Variants in GLYR1 observed in about 807,000 individuals in gnomAD.
GLYR1 encodes glyoxylate reductase 1 homolog, also known as cytokine-like nuclear factor N-PAC.
GLYR1 carries 21 observed loss-of-function variants against 72.7 expected under a neutral mutation model. The ratio of observed to expected loss-of-function variants is 0.29; its 90% confidence interval spans 0.20 to 0.42. GLYR1 has a LOEUF of 0.42. Among genes scored for constraint, GLYR1 ranks in the 10% least tolerant of loss-of-function variants. GLYR1 has a pLI of 1.00. For missense variants in GLYR1, 594 were observed against 712.1 expected, an observed-to-expected ratio of 0.83 and a Z score of 1.89; for synonymous variants, 392 against 270.2, an observed-to-expected ratio of 1.45 and a Z score of -4.42.
Position 4,809,904 on chromosome 16 carries a change from A to G in GLYR1, c.1587+1266T>C, listed in dbSNP as rs11865046. On this transcript the variant is annotated intron_variant, in intron 15 of 15. Coordinates refer to ENST00000321919, the MANE Select transcript of GLYR1 (RefSeq NM_032569.4). The stretch of plus-strand genomic sequence containing the variant: ...GCGACACTGCACTCCAGCCTGGGCG[A>G]AAGAGCAAAACTCTGTCTCCAAAAA... 8.4e-3 allele frequency among the ~76,000 whole-genome samples: 1,278 copies of G among 152,242 alleles called. 19 individuals carry two copies. The highest frequency in any genetic ancestry group is 0.029 in the African/African-American group (1,211 of 41,536).
intron 5 of GLYR1, among the ~76,000 whole-genome samples, chr16:4,831,572 C>G (rs1271382018): frequency 6.6e-6 from 1 of 152,236 alleles, no homozygotes; most frequent in Non-Finnish European, 1.5e-5. Context: ...CAGGGCCAGC[C>G]CTTGTGCACC....
At chr16:4,841,457 CAAAAAA>C (rs1160441336) in intron 3 of GLYR1, among the ~76,000 whole-genome samples, 1,012 of 31,764 alleles carry the variant, frequency 0.032, 8 homozygotes, top group African/African-American at 0.11. Flanking sequence ...CTTGTCTCTA[CAAAAAA>C]AAAAAAAAAA....
intron 1 of GLYR1, chr16:4,846,797 G>A: frequency 4.0e-6 from 1 of 252,694 alleles, no homozygotes; most frequent in Middle Eastern, 1.4e-3. Context: ...TGAGCCGGCC[G>A]CACAGGTCGG....
At chr16:4,845,915 G>T (rs2085991189) in intron 2 of GLYR1, among the ~76,000 whole-genome samples, 1 of 152,138 alleles carries the variant, frequency 6.6e-6, no homozygotes, top group Non-Finnish European at 1.5e-5. Context: ...ATTCAGACTA[G>T]AATTATTTCC....
chr16:4,843,509 CT>C, intron 3 of GLYR1: 1 of 1,282,648 alleles, frequency 7.8e-7, no homozygotes, highest in Non-Finnish European at 1.0e-6. Flanking sequence ...TCCAGAAGCT[CT>C]GGCTCCACAG....
chr16:4,822,100 C>CTTT (rs201232847), intron 7 of GLYR1, among the ~76,000 whole-genome samples: 1 of 98,826 alleles, frequency 1.0e-5, no homozygotes, highest in African/African-American at 4.3e-5. Context: ...TTTAAATGCT[C>CTTT]TTCTGAGATA....
chr16:4,836,486 T>C (rs946343030), intron 3 of GLYR1, among the ~76,000 whole-genome samples: 3 of 152,214 alleles, frequency 2.0e-5, no homozygotes, highest in Admixed American at 6.5e-5. Context: ...GTATTTAAAG[T>C]AGGAGACTTT....
At chr16:4,814,338 G>A (rs2083493497) in intron 11 of GLYR1, among the ~76,000 whole-genome samples, 199 bp downstream of exon 11, 1 of 152,214 alleles carries the variant, frequency 6.6e-6, no homozygotes, top group African/African-American at 2.4e-5. Context: ...CCCTAGTAGT[G>A]TTCATTCTTT....
At chr16:4,846,508 A>G (rs111407523) in intron 1 of GLYR1, among the ~76,000 whole-genome samples, 89 of 152,384 alleles carry the variant, frequency 5.8e-4, no homozygotes, top group Admixed American at 5.9e-4. Flanking sequence ...CTGTAAACAC[A>G]GACTTTCCCT....
intron 6 of GLYR1, among the ~76,000 whole-genome samples, 194 bp downstream of exon 6, chr16:4,823,627 T>C (rs560008315): frequency 2.0e-5 from 3 of 151,842 alleles, no homozygotes; most frequent in Non-Finnish European, 4.4e-5. Flanking sequence ...AGGACTGAAA[T>C]CCGTCACCTC....
chr16:4,818,167 G>T (rs959995391), intron 9 of GLYR1, among the ~76,000 whole-genome samples: 1 of 152,194 alleles, frequency 6.6e-6, no homozygotes, highest in South Asian at 2.1e-4. Context: ...GCTAATTTTT[G>T]TATTTTTAGT....
At chr16:4,824,391 T>G (rs2084242622) in intron 5 of GLYR1, among the ~76,000 whole-genome samples, 1 of 149,832 alleles carries the variant, frequency 6.7e-6, no homozygotes, top group Non-Finnish European at 1.5e-5. Flanking sequence ...TCCCAGCTAC[T>G]CCAGAGGTTG....
At chr16:4,807,499 G>GC (rs2083060071) in intron 15 of GLYR1, among the ~76,000 whole-genome samples, 1 of 152,302 alleles carries the variant, frequency 6.6e-6, no homozygotes, top group South Asian at 2.1e-4. Context: ...TAAAATGGCA[G>GC]CCCCAAATTG....
rs188652105 is a variant in GLYR1 at position 4,833,563 on chromosome 16, G to A, written c.156-651C>T. On this transcript the variant is annotated intron_variant, in intron 3 of 15. Transcript: ENST00000321919. ...TGGCTACTAAACCACACAAAACACG[G>A]AACACATGGTTTGGAATAAGGGCAG... 2.0e-5 allele frequency among the ~76,000 whole-genome samples: 3 copies of A among 150,990 alleles called. No individual in the cohort carries two copies. The East Asian group carries it at 5.8e-4, about 29-fold the overall frequency.
chr16:4,827,159 G>A (rs896049644), intron 5 of GLYR1, among the ~76,000 whole-genome samples: 5 of 152,188 alleles, frequency 3.3e-5, no homozygotes, highest in Admixed American at 1.3e-4. Context: ...TAATCCTCAC[G>A]GGGCAGGAGA....
chr16:4,808,664 A>G (rs2083140969), intron 15 of GLYR1, among the ~76,000 whole-genome samples: 1 of 152,204 alleles, frequency 6.6e-6, no homozygotes, highest in Non-Finnish European at 1.5e-5. Context: ...GTACTTTAAA[A>G]ATACAGCTGC....
At chr16:4,836,849 A>C (rs983195940) in intron 3 of GLYR1, among the ~76,000 whole-genome samples, 1 of 151,872 alleles carries the variant, frequency 6.6e-6, no homozygotes, top group Non-Finnish European at 1.5e-5. Flanking sequence ...TCAATACTAA[A>C]GGCCTCTGCC....
At chr16:4,836,825 A>C (rs75781398) in intron 3 of GLYR1, among the ~76,000 whole-genome samples, 15,956 of 151,628 alleles carry the variant, frequency 0.11, 1,053 homozygotes, top group Admixed American at 0.18. Context: ...AAAAAAAAAA[A>C]AAAACAAAAC....
At chr16:4,810,001 G>A (rs995037044) in intron 15 of GLYR1, among the ~76,000 whole-genome samples, 1 of 151,972 alleles carries the variant, frequency 6.6e-6, no homozygotes, top group African/African-American at 2.4e-5. Flanking sequence ...TGATCATAGA[G>A]CAGTAAGTTA....
Sources: gnomAD v4.1 joint callset for allele counts (sites outside exome capture counted in the v4.1 genomes callset) on GRCh38, gnomAD v4.1.1 for gene constraint, MANE v1.5 for transcripts, NCBI Gene and HGNC (gene_info 2026-07-23, HGNC 2026-07-21) for gene names.